Variants in CSRNP3 observed in about 807,000 individuals in gnomAD.
CSRNP3 encodes the protein cysteine/serine-rich nuclear protein 3.
A neutral mutation model predicts 48.0 loss-of-function variants in CSRNP3; 12 were observed. The ratio of observed to expected loss-of-function variants is 0.25; its 90% CI spans 0.16 to 0.41. CSRNP3 has a LOEUF of 0.41. CSRNP3 is among the 10% of genes least tolerant of loss of function. The probability of loss-of-function intolerance (pLI) is 1.00; values close to 1 mark genes in which losing one functional copy is unlikely to be tolerated. For missense variants in CSRNP3, 580 were observed against 724.4 expected (o/e 0.80, Z 2.29); for synonymous variants, 263 against 269.7 (o/e 0.98, Z 0.24).
intron 4 of CSRNP3, among the ~76,000 whole-genome samples, chr2:165,599,062 C>G (rs915124999): frequency 6.6e-6 from 1 of 151,248 alleles, no homozygotes; most frequent in Non-Finnish European, 1.5e-5. Context: ...TCTCAAATCC[C>G]CATCTCTAAA....
At chr2:165,516,752 T>C (rs1201198160) in intron 2 of CSRNP3, among the ~76,000 whole-genome samples, 1 of 152,192 alleles carries the variant, frequency 6.6e-6, no homozygotes, top group African/African-American at 2.4e-5. Context: ...ATTTGATATT[T>C]CTGTGCTATT....
At chr2:165,637,826 G>A (rs1158326033) in intron 4 of CSRNP3, among the ~76,000 whole-genome samples, 1 of 152,158 alleles carries the variant, frequency 6.6e-6, no homozygotes, top group Non-Finnish European at 1.5e-5. Flanking sequence ...AAGTTGGAAA[G>A]TTCAAAACAG....
chr2:165,677,589 A>G (rs1306205953), intron 6 of CSRNP3, among the ~76,000 whole-genome samples: 1 of 152,126 alleles, frequency 6.6e-6, no homozygotes, highest in Non-Finnish European at 1.5e-5. Context: ...TGAGTAAAAA[A>G]AAAAAAAAAA....
At chr2:165,519,798 A>G (rs1684627862) in intron 3 of CSRNP3, among the ~76,000 whole-genome samples, 1 of 152,182 alleles carries the variant, frequency 6.6e-6, no homozygotes, top group Admixed American at 6.5e-5. Flanking sequence ...AAAATTAATT[A>G]TGTCTTATGT....
At chr2:165,636,283 A>C (rs192012871) in intron 4 of CSRNP3, among the ~76,000 whole-genome samples, 26 of 152,326 alleles carry the variant, frequency 1.7e-4, no homozygotes, top group Admixed American at 1.6e-3. Flanking sequence ...ATATTTATTC[A>C]GTGAATAAAT....
rs1048520941 is a variant in CSRNP3, at chr2:165,686,997, T to C, written c.*7244T>C. 3 of 152,100 alleles carry C rather than the reference T, an allele frequency of 2.0e-5. No individual in the cohort carries two copies. The highest frequency in any genetic ancestry group is 7.2e-5 in the African/African-American group (3 of 41,432). 9.4% of individuals were successfully genotyped at this position (152,100 alleles called of 1,614,324 possible). A position where few individuals can be genotyped will look rare whatever the true frequency, so the allele number is the denominator to read the frequency against. On this transcript the variant is annotated 3_prime_UTR_variant, in exon 7 of 7. Transcript: ENST00000651982. ...GCCCAACAGGAGAGATCGCCATCTA[T>C]TCTTAACATCTCTAGGGAAGGCAGT...
intron 4 of CSRNP3, among the ~76,000 whole-genome samples, chr2:165,628,084 G>A (rs16850953): frequency 2.0e-5 from 3 of 152,070 alleles, no homozygotes; most frequent in Admixed American, 6.5e-5. Context: ...CCTGTCCAGC[G>A]GAATTGCCAC....
chr2:165,607,522 C>T (rs1686051626), intron 4 of CSRNP3, among the ~76,000 whole-genome samples: 1 of 152,132 alleles, frequency 6.6e-6, no homozygotes, highest in African/African-American at 2.4e-5. Flanking sequence ...GAAAAATCAC[C>T]CATGGAAATT....
At chr2:165,531,094 A>G (rs954805087) in intron 3 of CSRNP3, among the ~76,000 whole-genome samples, 1 of 152,142 alleles carries the variant, frequency 6.6e-6, no homozygotes, top group Non-Finnish European at 1.5e-5. Context: ...CTCAGTTTCA[A>G]TATCTAATTC....
intron 3 of CSRNP3, among the ~76,000 whole-genome samples, chr2:165,576,867 G>C (rs1364046650): frequency 6.6e-6 from 1 of 151,956 alleles, no homozygotes; most frequent in African/African-American, 2.4e-5. Context: ...TACTTAAAGA[G>C]ATAGTGTTAT....
intron 4 of CSRNP3, among the ~76,000 whole-genome samples, chr2:165,630,858 T>G (rs1276821760): frequency 6.6e-6 from 1 of 152,218 alleles, no homozygotes; most frequent in Non-Finnish European, 1.5e-5. Context: ...GTCTATTGCC[T>G]TCATTTATTT....
intron 2 of CSRNP3, among the ~76,000 whole-genome samples, chr2:165,500,647 G>A (rs1203852360): frequency 2.0e-5 from 3 of 151,734 alleles, no homozygotes; most frequent in African/African-American, 7.3e-5. Context: ...TAGTATAGAC[G>A]GGGTTTCACT....
At chr2:165,579,113 TA>T (rs1685500309) in intron 3 of CSRNP3, among the ~76,000 whole-genome samples, 1 of 152,184 alleles carries the variant, frequency 6.6e-6, no homozygotes, top group African/African-American at 2.4e-5. Context: ...AAGTTCAGCT[TA>T]AACTTATAGT....
intron 5 of CSRNP3, among the ~76,000 whole-genome samples, chr2:165,669,788 C>A (rs970951637): frequency 6.6e-6 from 1 of 152,134 alleles, no homozygotes; most frequent in African/African-American, 2.4e-5. Context: ...TGAAACCAAG[C>A]ATACACACAT....
Position 165,631,318 on chromosome 2 carries a change from G to A in CSRNP3, c.149-26443G>A, listed in dbSNP as rs1686531985. Among the ~76,000 whole-genome samples, 4 of 152,294 alleles carry A rather than the reference G, an allele frequency of 2.6e-5. No individual in the cohort carries two copies. The South Asian group carries it at 8.3e-4, about 32-fold the overall frequency. On this transcript the variant is annotated intron_variant, in intron 4 of 6. Transcript: ENST00000651982. ...TGTAAATTACAAGGGGCAGCTTGATGTGCAGGCCATGAGTGTCCTCAACAG... is the reference window on the plus strand; with the variant it reads ...TGTAAATTACAAGGGGCAGCTTGATATGCAGGCCATGAGTGTCCTCAACAG...
intron 4 of CSRNP3, among the ~76,000 whole-genome samples, chr2:165,618,525 C>A (rs1163683447): frequency 6.6e-6 from 1 of 152,196 alleles, no homozygotes; most frequent in African/African-American, 2.4e-5. Context: ...TAAAGTTGGG[C>A]ACCCTTGCTA....
chr2:165,570,887 A>G (rs1685363834), intron 3 of CSRNP3, among the ~76,000 whole-genome samples: 1 of 151,980 alleles, frequency 6.6e-6, no homozygotes, highest in Admixed American at 6.6e-5. Context: ...TTAAGTCATA[A>G]ACATTTATTT....
At chr2:165,522,642 C>T (rs966878827) in intron 3 of CSRNP3, among the ~76,000 whole-genome samples, 3 of 151,534 alleles carry the variant, frequency 2.0e-5, no homozygotes, top group Non-Finnish European at 2.9e-5. Flanking sequence ...ATGTAATCAG[C>T]GGGGTGAAGT....
chr2:165,620,907 T>A (rs949294890), intron 4 of CSRNP3, among the ~76,000 whole-genome samples: 2 of 152,138 alleles, frequency 1.3e-5, no homozygotes, highest in African/African-American at 4.8e-5. Context: ...TACATTTTTA[T>A]CCTTATATAT....
Sources: allele counts gnomAD v4.1 joint callset (sites outside exome capture counted in the v4.1 genomes callset), GRCh38; gene constraint gnomAD v4.1.1; transcripts MANE v1.5; gene names NCBI Gene and HGNC (gene_info 2026-07-23, HGNC 2026-07-21).